Variants in CUL5 observed in about 807,000 individuals in gnomAD.
The protein encoded by CUL5 is cullin-5.
Under a neutral mutation model 108.8 loss-of-function variants are expected in CUL5, and 26 were observed. That is an observed-to-expected ratio of 0.24 (90% CI 0.18 to 0.33). CUL5 has a LOEUF of 0.33. Among genes scored for constraint, CUL5 ranks in the 10% least tolerant of loss-of-function variants. The pLI is 1.00. For missense variants in CUL5, 524 were observed against 909.2 expected, an observed-to-expected ratio of 0.58 and a Z score of 5.45; for synonymous variants, 334 against 298.0, an observed-to-expected ratio of 1.12 and a Z score of -1.25.
rs1864472326 is a variant in CUL5, at chr11:108,095,659, C to T, written c.1873C>T (p.Leu625Phe). Reference protein sequence around the residue: ...SFENLKLATELPDAELRRTLW... With the variant: ...SFENLKLATEFPDAELRRTLW... ...TGAAAATCTTAAGCTTGCAACTGAA[C>T]TCCCTGATGCTGAACTTAGGAGGAC... The change falls in exon 16 of 19, where the codon CTC (leucine) becomes TTC (phenylalanine). Residue 625 changes from leucine to phenylalanine, a missense_variant. By Grantham distance (22) the Leu-to-Phe change is conservative (BLOSUM62 0). This residue lies in a region of CUL5 where 64 missense variants were observed against 152.0 expected (regional missense o/e 0.42). Transcript: ENST00000393094. 1.2e-6 allele frequency: 2 copies of T among 1,613,600 alleles called. No homozygotes were observed. The highest frequency in any genetic ancestry group is 8.5e-7 in the Non-Finnish European group (1 of 1,179,908).
chr11:108,048,251 C>CA lies in CUL5; in HGVS notation c.235-1629dup, dbSNP rs537658328. On this transcript the variant is annotated intron_variant, in intron 3 of 18. Coordinates refer to ENST00000393094, the MANE Select transcript of CUL5 (RefSeq NM_003478.6). ...AATGTTTATAACATTTTTTAAAGAA[C>CA]AAAAAAAAAAGTAAAAATAATAAAC... is the stretch of plus-strand genomic sequence containing the variant. Among the ~76,000 whole-genome samples the CA allele has an allele frequency of 2.5e-3, 349 of 141,504 alleles. 1 individual carries two copies. The highest frequency in any genetic ancestry group is 8.6e-3 in the African/African-American group (333 of 38,798). The allele number at this position is 141,504 out of a possible 152,430, so 92.8% of individuals were successfully genotyped here. A position where few individuals can be genotyped will look rare whatever the true frequency, so the allele number is the denominator to read the frequency against.
chr11:108,083,061 T>C (rs946330930), intron 11 of CUL5, among the ~76,000 whole-genome samples: 4 of 152,248 alleles, frequency 2.6e-5, no homozygotes, highest in African/African-American at 9.6e-5. Flanking sequence ...GAAATACTTT[T>C]ACTTCTTCCT....
At chr11:108,070,476 G>A (rs10890804) in intron 8 of CUL5, among the ~76,000 whole-genome samples, 87,633 of 151,940 alleles carry the variant, frequency 0.58, 27,324 homozygotes, top group East Asian at 0.9. Flanking sequence ...TTAAAGGCCA[G>A]TTTAAACTGG....
At chr11:108,096,460 T>C (rs1028508725) in intron 16 of CUL5, among the ~76,000 whole-genome samples, 1 of 150,998 alleles carries the variant, frequency 6.6e-6, no homozygotes, top group African/African-American at 2.4e-5. Context: ...CACTCCAGCC[T>C]GGGCAACATA....
chr11:108,072,414 T>G lies in CUL5; in HGVS notation c.957T>G (p.Ile319Met), dbSNP rs1174460557. ...TGAAAGACTTGGAGGAACATATCAT[T>G]AGTGCTGGCCTGGCAGATATGGTAG... is the stretch of plus-strand genomic sequence containing the variant. ...PMLKDLEEHI[I>M]SAGLADMVAA... The change falls in exon 9 of 19, where the codon ATT (isoleucine) becomes ATG (methionine). Residue 319 changes from isoleucine to methionine, a missense_variant. Physicochemically the swap from Ile to Met is conservative, Grantham distance 10. Transcript: ENST00000393094. 1 of 1,612,830 alleles carries G rather than the reference T, an allele frequency of 6.2e-7. No homozygotes were observed. Among genetic ancestry groups the G allele is most frequent in the Non-Finnish European group, 8.5e-7 (1 of 1,179,248 alleles).
intron 16 of CUL5, among the ~76,000 whole-genome samples, chr11:108,095,943 A>G (rs1467133896): frequency 6.6e-6 from 1 of 151,730 alleles, no homozygotes; most frequent in African/African-American, 2.4e-5. Flanking sequence ...TAAAAATACA[A>G]AAATTAGCTG....
chr11:108,032,941 A>G (rs1262521363), intron 1 of CUL5, among the ~76,000 whole-genome samples: 1 of 152,180 alleles, frequency 6.6e-6, no homozygotes, highest in African/African-American at 2.4e-5. Context: ...ATTAGATGAT[A>G]CAGTCTCCAT....
chr11:108,103,565 A>G (rs1163823473), intron 18 of CUL5, among the ~76,000 whole-genome samples: 1 of 152,220 alleles, frequency 6.6e-6, no homozygotes, highest in African/African-American at 2.4e-5. Context: ...CTGCTATACA[A>G]AGAAATAACT....
At chr11:108,031,754 G>C (rs1055644618) in intron 1 of CUL5, among the ~76,000 whole-genome samples, 2 of 152,132 alleles carry the variant, frequency 1.3e-5, no homozygotes, top group Non-Finnish European at 2.9e-5. Flanking sequence ...CTCTAACAAA[G>C]ACGTGAAATC....
At chr11:108,051,774 AAC>A (rs1176878061) in intron 4 of CUL5, among the ~76,000 whole-genome samples, 1 of 152,190 alleles carries the variant, frequency 6.6e-6, no homozygotes, top group African/African-American at 2.4e-5. Flanking sequence ...GTCTATTTCA[AAC>A]ACACCAATAT....
intron 1 of CUL5, among the ~76,000 whole-genome samples, chr11:108,014,292 A>C (rs903872218): frequency 6.6e-6 from 1 of 152,186 alleles, no homozygotes; most frequent in Non-Finnish European, 1.5e-5. Flanking sequence ...CAGTGTAAGC[A>C]GGGCTGCATG....
chr11:108,080,308 C>T (rs1023762105), intron 11 of CUL5, among the ~76,000 whole-genome samples: 10 of 151,834 alleles, frequency 6.6e-5, no homozygotes, highest in African/African-American at 9.7e-5. Context: ...AGGCTGGTGT[C>T]GAACTCCTGG....
chr11:108,085,041 G>A (rs187044207), intron 11 of CUL5: 3 of 152,328 alleles, frequency 2.0e-5, no homozygotes, highest in African/African-American at 7.2e-5. Context: ...GGTCAACAGA[G>A]TTGCTGTATG....
At chr11:108,061,172 G>A (rs1231815039) in intron 7 of CUL5, among the ~76,000 whole-genome samples, 1 of 152,266 alleles carries the variant, frequency 6.6e-6, no homozygotes, top group East Asian at 1.9e-4. Flanking sequence ...GGGAATACAA[G>A]GTGAGAGAGA....
chr11:108,098,499 A>G lies in CUL5; in HGVS notation c.2118A>G (p.Gly706=). The G allele has an allele frequency of 1.3e-6, 2 of 1,590,712 alleles. No homozygotes were observed. The highest frequency in any genetic ancestry group is 1.7e-6 in the Non-Finnish European group (2 of 1,169,068). The change falls in exon 18 of 19, where the codon GGA becomes GGG. Residue 706 remains glycine (G), a synonymous_variant. Transcript: ENST00000393094. ...TERMREEENE[G]IVQLRILRTQ... is the part of the protein sequence containing the mutation. ...GGATGAGAGAAGAAGAGAATGAAGG[A>G]ATAGTTCAACTACGAATACTAAGAA...
intron 12 of CUL5, 119 bp from the exon 13 acceptor site, chr11:108,089,373 C>G: frequency 1.6e-6 from 1 of 621,100 alleles, no homozygotes; most frequent in East Asian, 3.2e-5. Flanking sequence ...CAGTAGGCCT[C>G]TATCTGTATA....
intron 1 of CUL5, among the ~76,000 whole-genome samples, chr11:108,013,565 G>A (rs941576684): frequency 1.3e-5 from 2 of 151,820 alleles, no homozygotes; most frequent in African/African-American, 2.4e-5. Flanking sequence ...GCCAGAGGTC[G>A]TCATCTCCCT....
chr11:108,040,956 C>T (rs915460676), intron 2 of CUL5, among the ~76,000 whole-genome samples: 3 of 152,152 alleles, frequency 2.0e-5, no homozygotes, highest in Admixed American at 6.6e-5. Flanking sequence ...CACACCATTC[C>T]CTGTTATCCT....
chr11:108,054,162 C>G (rs1311891748), intron 5 of CUL5, among the ~76,000 whole-genome samples: 1 of 152,132 alleles, frequency 6.6e-6, no homozygotes. Flanking sequence ...TTTCTGTAGA[C>G]ACATGATTTT....
Sources: allele counts gnomAD v4.1 joint callset (sites outside exome capture counted in the v4.1 genomes callset), GRCh38; gene constraint gnomAD v4.1.1; regional missense constraint gnomAD v4.1.1; transcripts MANE v1.5; gene names NCBI Gene and HGNC (gene_info 2026-07-23, HGNC 2026-07-21).